SHLD2: variants seen among roughly 807,000 people sequenced by gnomAD.
The protein encoded by SHLD2 is shieldin complex subunit 2.
A neutral mutation model predicts 73.2 loss-of-function variants in SHLD2; 30 were observed. The observed-to-expected ratio is 0.41, with a 90% confidence interval of 0.31 to 0.56. The LOEUF (loss-of-function observed/expected upper bound fraction) is 0.56, where lower values mean the gene tolerates loss of function less well. SHLD2 is among the 20% of genes least tolerant of loss of function. The probability of loss-of-function intolerance (pLI) is 0.28; values close to 1 mark genes in which losing one functional copy is unlikely to be tolerated. For synonymous variants in SHLD2, 285 were observed against 370.1 expected (o/e 0.77, Z 2.64); for missense variants, 745 against 1,055.9 (o/e 0.71, Z 4.08).
intron 2 of SHLD2, among the ~76,000 whole-genome samples, chr10:87,104,101 C>T (rs10887691): frequency 0.35 from 52,477 of 150,380 alleles, 9,550 homozygotes; most frequent in African/African-American, 0.44. Context: ...GGCATGATGG[C>T]GGGCAGGTGC....
At chr10:87,120,705 A>T (rs1292041694) in intron 2 of SHLD2, among the ~76,000 whole-genome samples, 1 of 152,156 alleles carries the variant, frequency 6.6e-6, no homozygotes, top group African/African-American at 2.4e-5. Flanking sequence ...TGTATTGAAG[A>T]GAGAATATTA....
chr10:87,163,936 A>ATTTTC (rs375051873), intron 4 of SHLD2, among the ~76,000 whole-genome samples: 1,963 of 144,964 alleles, frequency 0.014, 19 homozygotes, highest in Middle Eastern at 0.047. Context: ...ATCTGTAAAC[A>ATTTTC]TTTTCTTTTC....
chr10:87,151,698 T>A lies in SHLD2; in HGVS notation c.344T>A (p.Ile115Lys). The A allele has an allele frequency of 6.2e-7, 1 of 1,611,894 alleles. No individual in the cohort carries two copies. The highest frequency in any genetic ancestry group is 8.5e-7 in the Non-Finnish European group (1 of 1,179,752). Residue 115 changes from isoleucine (I) to lysine (K), a missense_variant, in exon 3 of 10, where the codon ATA (isoleucine) becomes AAA (lysine). This residue lies in a region of SHLD2 where 280 missense variants were observed against 353.9 expected (regional missense o/e 0.79). Coordinates refer to ENST00000298786, the MANE Select transcript of SHLD2 (RefSeq NM_001330112.2). ...ATTCACTCCTCTAGACTGAGTGATA[T>A]AACTAGCTCTAATATGCAAATATGT... ...QKIHSSRLSD[I>K]TSSNMQICGF...
At chr10:87,153,013 A>C in intron 3 of SHLD2, 134 bp downstream of exon 3, 1 of 836,470 alleles carries the variant, frequency 1.2e-6, no homozygotes, top group Non-Finnish European at 1.9e-6. Context: ...TGATCCCTTT[A>C]TCGCATCTGC....
At chr10:87,180,573 C>A (rs1339711572) in intron 8 of SHLD2, among the ~76,000 whole-genome samples, 1 of 152,078 alleles carries the variant, frequency 6.6e-6, no homozygotes, top group Admixed American at 6.6e-5. Flanking sequence ...CCTTGGTTTA[C>A]TTTTTAACCA....
chr10:87,148,734 C>T (rs1241639519), intron 2 of SHLD2, among the ~76,000 whole-genome samples: 1 of 151,430 alleles, frequency 6.6e-6, no homozygotes, highest in Non-Finnish European at 1.5e-5. Flanking sequence ...CAGAGAGAGA[C>T]CCTAACTCAA....
intron 2 of SHLD2, among the ~76,000 whole-genome samples, chr10:87,133,254 A>G (rs544913448): frequency 3.9e-5 from 6 of 151,946 alleles, no homozygotes; most frequent in Non-Finnish European, 5.9e-5. Flanking sequence ...ACCGTGCCCA[A>G]TTGGTTTCTT....
At chr10:87,160,765 G>T (rs574330126) in intron 4 of SHLD2, among the ~76,000 whole-genome samples, 5 of 152,082 alleles carry the variant, frequency 3.3e-5, no homozygotes, top group African/African-American at 1.2e-4. Flanking sequence ...CAAGGTGGGC[G>T]GATCACTTGA....
chr10:87,151,135 T>TC (rs1440267390), intron 2 of SHLD2, among the ~76,000 whole-genome samples: 1 of 152,122 alleles, frequency 6.6e-6, no homozygotes, highest in African/African-American at 2.4e-5. Flanking sequence ...AAGTGAGTCT[T>TC]TAGGTGAAAA....
chr10:87,144,733 G>T (rs1411036950), intron 2 of SHLD2, among the ~76,000 whole-genome samples: 47 of 126,846 alleles, frequency 3.7e-4, no homozygotes, highest in African/African-American at 3.0e-4. Flanking sequence ...TTCACGCCAT[G>T]CTCCTGCCTC....
Position 87,151,944 on chromosome 10 carries a change from A to G in SHLD2, c.590A>G (p.Glu197Gly). 1 of 1,611,210 alleles carries G rather than the reference A, an allele frequency of 6.2e-7. No individual in the cohort carries two copies. Among genetic ancestry groups the G allele is most frequent in the South Asian group, 1.1e-5 (1 of 90,972 alleles). ...INIGPEVVQR[E>G]CVPTEYHEIQ... The stretch of plus-strand genomic sequence containing the variant: ...ATAGGGCCTGAAGTGGTACAAAGAG[A>G]GTGTGTGCCAACAGAATATCATGAA... The change falls in exon 3 of 10, where the codon GAG becomes GGG. Residue 197 changes from glutamate to glycine, a missense_variant. Around this residue, in one of 5 missense-constraint regions of SHLD2, gnomAD observed 280 missense variants for 353.9 expected, o/e 0.79. Coordinates refer to ENST00000298786, the MANE Select transcript of SHLD2 (RefSeq NM_001330112.2).
At chr10:87,123,762 A>G (rs1843791626) in intron 2 of SHLD2, among the ~76,000 whole-genome samples, 1 of 152,204 alleles carries the variant, frequency 6.6e-6, no homozygotes, top group Non-Finnish European at 1.5e-5. Flanking sequence ...GTAGTGAGTG[A>G]GTTCTCACGA....
rs569095191 is a variant in SHLD2 at position 87,164,750 on chromosome 10, G to T, written c.1634-5728G>T. 2.6e-5 allele frequency among the ~76,000 whole-genome samples: 4 copies of T among 152,162 alleles called. No homozygotes were observed. In the East Asian group the frequency reaches 5.8e-4, roughly 22 times the overall value. ...GAGTAAGAAAATAATGATAGTATTG[G>T]ATTAGAACCCATAGATTAAAATCTT... On this transcript the variant is annotated intron_variant, in intron 4 of 9. Coordinates refer to ENST00000298786, the MANE Select transcript of SHLD2 (RefSeq NM_001330112.2).
At chr10:87,104,927 G>T (rs1379388814) in intron 2 of SHLD2, among the ~76,000 whole-genome samples, 1 of 152,058 alleles carries the variant, frequency 6.6e-6, no homozygotes, top group Non-Finnish European at 1.5e-5. Flanking sequence ...CCAGTGTTGG[G>T]ATTATAGGTG....
At chr10:87,121,761 T>C (rs1274049196) in intron 2 of SHLD2, among the ~76,000 whole-genome samples, 17 of 133,082 alleles carry the variant, frequency 1.3e-4, no homozygotes, top group Admixed American at 1.3e-3. Context: ...TTTCTTTCTT[T>C]CTTTTTTTTT....
chr10:87,162,745 CTTA>C (rs1387876983), intron 4 of SHLD2, among the ~76,000 whole-genome samples: 2 of 152,102 alleles, frequency 1.3e-5, no homozygotes, highest in African/African-American at 4.8e-5. Context: ...TCAAATATAA[CTTA>C]TTAGAGAAAT....
intron 2 of SHLD2, among the ~76,000 whole-genome samples, chr10:87,107,077 T>A (rs1287005660): frequency 8.9e-6 from 1 of 112,818 alleles, no homozygotes; most frequent in Non-Finnish European, 1.8e-5. Flanking sequence ...TAGATATTAA[T>A]CTAAAGCAAT....
At chr10:87,142,951 A>C in intron 2 of SHLD2, among the ~76,000 whole-genome samples, 1 of 123,850 alleles carries the variant, frequency 8.1e-6, no homozygotes, top group East Asian at 2.2e-4. Context: ...TTTTTTAGAG[A>C]CAGTGTCTCA....
intron 2 of SHLD2, among the ~76,000 whole-genome samples, chr10:87,137,242 G>A (rs1844860360): frequency 6.6e-6 from 1 of 152,052 alleles, no homozygotes; most frequent in Non-Finnish European, 1.5e-5. Flanking sequence ...GAATGATAAA[G>A]GTTAACAATA....
Sources: allele counts gnomAD v4.1 joint callset (sites outside exome capture counted in the v4.1 genomes callset), GRCh38; gene constraint gnomAD v4.1.1; regional missense constraint gnomAD v4.1.1; transcripts MANE v1.5; gene names NCBI Gene and HGNC (gene_info 2026-07-23, HGNC 2026-07-21).